The following PCDHB2 variants were observed in gnomAD, a reference collection of about 807,000 sequenced individuals.
The protein encoded by PCDHB2 is protocadherin beta 2, also known as protocadherin beta-2.
For synonymous variants in PCDHB2, 395 were observed against 464.9 expected (o/e 0.85, Z 1.93); for missense variants, 914 against 1,023.1 (o/e 0.89, Z 1.45).
chr5:141,094,685 G>T lies in PCDHB2; in HGVS notation c.-106G>T, dbSNP rs782469468. The T allele has an allele frequency of 2.5e-5, 22 of 890,234 alleles. No homozygotes were observed. Among genetic ancestry groups the T allele is most frequent in the Non-Finnish European group, 3.2e-5 (19 of 598,428 alleles). 55.1% of individuals were successfully genotyped at this position (890,234 alleles called of 1,614,324 possible). ...AAGGCGGTCGCTCCGGGAAATCCGG[G>T]CCCTAGGATTGTCCACTCATCCCAG... On this transcript the variant is annotated 5_prime_UTR_variant, in exon 1 of 1. Coordinates refer to ENST00000194155, the MANE Select transcript of PCDHB2 (RefSeq NM_018936.4).
Position 141,095,874 on chromosome 5 carries a change from TTGCAGGACACCCTCATTGCTG to T in PCDHB2, c.1086_1106del (p.Gln363_Val369del). The T allele has an allele frequency of 3.7e-6, 6 of 1,613,964 alleles. No homozygotes were observed. Among genetic ancestry groups the T allele is most frequent in the Non-Finnish European group, 5.1e-6 (6 of 1,179,938 alleles). ...ACTTATCAATCAGATCCCAGAAAAC[TTGCAGGACACCCTCATTGCTG>T]TATTCAGCGTTTCAGATCCTGACTC... On this transcript the variant is annotated inframe_deletion, in exon 1 of 1. Coordinates refer to ENST00000194155, the MANE Select transcript of PCDHB2 (RefSeq NM_018936.4).
chr5:141,096,354 G>C lies in PCDHB2; in HGVS notation c.1564G>C (p.Asp522His), dbSNP rs1554271483. 1 of 1,613,046 alleles carries C rather than the reference G, an allele frequency of 6.2e-7. No individual in the cohort carries two copies. Among genetic ancestry groups the C allele is most frequent in the Non-Finnish European group, 8.5e-7 (1 of 1,179,854 alleles). The change falls in exon 1 of 1, where the codon GAC becomes CAC. Residue 522 changes from aspartate to histidine, a missense_variant. By Grantham distance (81) the Asp-to-His change is moderately conservative. Coordinates refer to ENST00000194155, the MANE Select transcript of PCDHB2 (RefSeq NM_018936.4). The part of the protein sequence containing the change: ...NGHLFALQSL[D>H]YEALQAFEFR... ...CCACCTGTTCGCTCTCCAGTCGCTG[G>C]ACTACGAGGCCCTGCAGGCGTTCGA...
In PCDHB2 at chr5:141,097,148, G is replaced by A; in HGVS notation, c.2358G>A (p.Glu786=). The A allele has an allele frequency of 6.2e-7, 1 of 1,605,500 alleles. No homozygotes were observed. The highest frequency in any genetic ancestry group is 1.1e-5 in the South Asian group (1 of 89,592). Residue 786 remains glutamate, a synonymous_variant, in exon 1 of 1, where the codon GAG becomes GAA. Coordinates refer to ENST00000194155, the MANE Select transcript of PCDHB2 (RefSeq NM_018936.4). The part of the protein sequence containing the change: ...FVAQGAERVS[E]ANPSFRKSFE... ...CTCAGGGTGCAGAGAGGGTTAGCGA[G>A]GCAAATCCCAGTTTCAGGAAGAGCT...
In PCDHB2 at chr5:141,096,554, G is replaced by T. The variant is rs1554271555; in HGVS notation, c.1764G>T (p.Val588=). ...GGGCGGCCGAGCCGGGCTACCTGGT[G>T]ACCAAGGTGGTGGCGGTGGACGGCG... ...VPRAAEPGYL[V]TKVVAVDGDS... is the part of the protein sequence containing the mutation. Residue 588 remains valine, a synonymous_variant, in exon 1 of 1, where the codon GTG becomes GTT. Coordinates refer to ENST00000194155, the MANE Select transcript of PCDHB2 (RefSeq NM_018936.4). The T allele has an allele frequency of 6.2e-7, 1 of 1,606,934 alleles. No homozygotes were observed. Among genetic ancestry groups the T allele is most frequent in the South Asian group, 1.1e-5 (1 of 90,846 alleles).
At position 141,095,766 on chromosome 5, in the gene PCDHB2, G is replaced by C. The variant is rs1177707818; in HGVS notation, c.976G>C (p.Gly326Arg). The change falls in exon 1 of 1, where the codon GGT (glycine) becomes CGT (arginine). Residue 326 changes from glycine (G) to arginine (R), a missense_variant. Coordinates refer to ENST00000194155, the MANE Select transcript of PCDHB2 (RefSeq NM_018936.4). ...CACAGTAAATATTCAGGCGACAGAT[G>C]GTGGGGGCCTATCTGGAACTTGTGT... ...TYTVNIQATDGGGLSGTCVVF... is the reference protein window; with the variant it reads ...TYTVNIQATDRGGLSGTCVVF... The C allele has an allele frequency of 6.2e-7, 1 of 1,614,188 alleles. No homozygotes were observed. The highest frequency in any genetic ancestry group is 8.5e-7 in the Non-Finnish European group (1 of 1,180,038).
At position 141,096,946 on chromosome 5, in the gene PCDHB2, G is replaced by A; in HGVS notation, c.2156G>A (p.Ser719Asn). 1 of 1,612,514 alleles carries A rather than the reference G, an allele frequency of 6.2e-7. No individual in the cohort carries two copies. The highest frequency in any genetic ancestry group is 1.1e-5 in the South Asian group (1 of 91,006). Reference sequence around the variant, plus strand: ...GTGGCGGTGCGGCTGTGCAGGAGGAGCAGGGCGGCCTCGGTGGGTCGCTGC... The same window carrying A: ...GTGGCGGTGCGGCTGTGCAGGAGGAACAGGGCGGCCTCGGTGGGTCGCTGC... The part of the protein sequence containing the change: ...LFVAVRLCRR[S>N]RAASVGRCSV... The change falls in exon 1 of 1, where the codon AGC becomes AAC. Residue 719 changes from serine to asparagine, a missense_variant. By Grantham distance (46) the Ser-to-Asn change is conservative. Coordinates refer to ENST00000194155, the MANE Select transcript of PCDHB2 (RefSeq NM_018936.4).
chr5:141,095,650 C>T lies in PCDHB2; in HGVS notation c.860C>T (p.Ser287Phe), dbSNP rs782560976. The change falls in exon 1 of 1, where the codon TCT becomes TTT. Residue 287 changes from serine to phenylalanine, a missense_variant. Ser to Phe is a radical substitution (Grantham distance 155, BLOSUM62 -2). Coordinates refer to ENST00000194155, the MANE Select transcript of PCDHB2 (RefSeq NM_018936.4). ...ATATCTTATGCATTTTCCCAAGCAT[C>T]TGAAGACATTCGCAAAACGTTTCGA... is the stretch of plus-strand genomic sequence containing the variant. ...GEISYAFSQA[S>F]EDIRKTFRLS... 11 of 1,614,110 alleles carry T rather than the reference C, an allele frequency of 6.8e-6. No individual in the cohort carries two copies. The African/African-American group carries it at 1.5e-4, about 22-fold the overall frequency.
At position 141,095,118 on chromosome 5, in the gene PCDHB2, G is replaced by A; in HGVS notation, c.328G>A (p.Val110Met). The A allele has an allele frequency of 6.2e-7, 1 of 1,614,048 alleles. No individual in the cohort carries two copies. The highest frequency in any genetic ancestry group is 8.5e-7 in the Non-Finnish European group (1 of 1,179,954). ...PTEPCVLPFQ[V>M]LLENPLQFFQ... is the part of the protein sequence containing the mutation. ...AGAGCCCTGTGTCCTACCTTTCCAG[G>A]TGTTACTAGAAAATCCCTTGCAGTT... The change falls in exon 1 of 1, where the codon GTG (valine) becomes ATG (methionine). Residue 110 changes from valine (V) to methionine (M), a missense_variant. By Grantham distance (21) the Val-to-Met change is conservative. Transcript: ENST00000194155.
At position 141,095,350 on chromosome 5, in the gene PCDHB2, G is replaced by C; in HGVS notation, c.560G>C (p.Ser187Thr). ...CACTTTCATCTTAATTTACAAGACA[G>C]TCTCGATGGCATAATATTACCACAG... ...NFHFHLNLQD[S>T]LDGIILPQLV... Residue 187 changes from serine to threonine, a missense_variant, in exon 1 of 1, where the codon AGT becomes ACT. Transcript: ENST00000194155. The C allele has an allele frequency of 6.2e-7, 1 of 1,613,816 alleles. No individual in the cohort carries two copies. Among genetic ancestry groups the C allele is most frequent in the Non-Finnish European group, 8.5e-7 (1 of 1,179,830 alleles).
In PCDHB2 at chr5:141,096,327, G is replaced by A. The variant is rs1207554666; in HGVS notation, c.1537G>A (p.Gly513Ser). The A allele has an allele frequency of 1.9e-6, 3 of 1,613,244 alleles. No homozygotes were observed. Among genetic ancestry groups the A allele is most frequent in the Admixed American group, 3.3e-5 (2 of 60,004 alleles). The change falls in exon 1 of 1, where the codon GGC becomes AGC. Residue 513 changes from glycine (G) to serine (S), a missense_variant. Gly to Ser is a moderately conservative substitution (Grantham distance 56). Coordinates refer to ENST00000194155, the MANE Select transcript of PCDHB2 (RefSeq NM_018936.4). ...CCTGGTCTCCATCAACGCGGACAAC[G>A]GCCACCTGTTCGCTCTCCAGTCGCT... ...ASLVSINADNGHLFALQSLDY... is the reference protein window; with the variant it reads ...ASLVSINADNSHLFALQSLDY...
Position 141,095,002 on chromosome 5 carries a change from A to C in PCDHB2, c.212A>C (p.Lys71Thr). ...GTGAGGGGGGCCAGGGTCGTTTCCA[A>C]AGGAAAAAAAATGCATTTGCAGTTC... is the stretch of plus-strand genomic sequence containing the variant. ...LAVRGARVVS[K>T]GKKMHLQFDR... The change falls in exon 1 of 1, where the codon AAA becomes ACA. Residue 71 changes from lysine (K) to threonine (T), a missense_variant. Physicochemically the swap from Lys to Thr is moderately conservative, Grantham distance 78 (BLOSUM62 -1). Coordinates refer to ENST00000194155, the MANE Select transcript of PCDHB2 (RefSeq NM_018936.4). 6.2e-7 allele frequency: 1 copy of C among 1,612,848 alleles called. No homozygotes were observed. The highest frequency in any genetic ancestry group is 8.5e-7 in the Non-Finnish European group (1 of 1,179,550).
In PCDHB2 at chr5:141,096,405, G is replaced by C. The variant is rs781952415; in HGVS notation, c.1615G>C (p.Gly539Arg). Residue 539 changes from glycine to arginine, a missense_variant, in exon 1 of 1, where the codon GGC becomes CGC. Coordinates refer to ENST00000194155, the MANE Select transcript of PCDHB2 (RefSeq NM_018936.4). The part of the protein sequence containing the change: ...FEFRVGAADR[G>R]SPALSSEALV... ...GTTCCGCGTGGGCGCCGCAGACCGC[G>C]GCTCCCCGGCGTTGAGCAGCGAGGC... The C allele has an allele frequency of 6.2e-6, 10 of 1,612,050 alleles. No homozygotes were observed. In the African/African-American group the frequency reaches 1.2e-4, roughly 19 times the overall value.
At position 141,094,686 on chromosome 5, in the gene PCDHB2, C is replaced by A; in HGVS notation, c.-105C>A. 1 of 939,104 alleles carries A rather than the reference C, an allele frequency of 1.1e-6. No individual in the cohort carries two copies. The highest frequency in any genetic ancestry group is 1.6e-6 in the Non-Finnish European group (1 of 627,486). 58.2% of individuals were successfully genotyped at this position (939,104 alleles called of 1,614,324 possible). ...AGGCGGTCGCTCCGGGAAATCCGGG[C>A]CCTAGGATTGTCCACTCATCCCAGT... On this transcript the variant is annotated 5_prime_UTR_variant, in exon 1 of 1. Transcript: ENST00000194155.
At position 141,096,372 on chromosome 5, in the gene PCDHB2, G is replaced by T. The variant is rs1302656781; in HGVS notation, c.1582G>T (p.Ala528Ser). ...LQSLDYEALQ[A>S]FEFRVGAADR... ...GTCGCTGGACTACGAGGCCCTGCAG[G>T]CGTTCGAGTTCCGCGTGGGCGCCGC... Residue 528 changes from alanine to serine, a missense_variant, in exon 1 of 1, where the codon GCG becomes TCG. By Grantham distance (99) the Ala-to-Ser change is moderately conservative. Coordinates refer to ENST00000194155, the MANE Select transcript of PCDHB2 (RefSeq NM_018936.4). The T allele has an allele frequency of 2.5e-6, 4 of 1,612,824 alleles. No individual in the cohort carries two copies. Among genetic ancestry groups the T allele is most frequent in the Non-Finnish European group, 3.4e-6 (4 of 1,179,824 alleles).
chr5:141,094,943 A>C lies in PCDHB2; in HGVS notation c.153A>C (p.Leu51Phe). Reference protein sequence around the residue: ...TESGSFVANLLKDLGLEIGEL... With the variant: ...TESGSFVANLFKDLGLEIGEL... ...GTGGCTCCTTTGTGGCCAATTTGTTAAAAGACCTGGGGCTGGAGATAGGAG... is the reference window on the plus strand; with the variant it reads ...GTGGCTCCTTTGTGGCCAATTTGTTCAAAGACCTGGGGCTGGAGATAGGAG... The change falls in exon 1 of 1, where the codon TTA (leucine) becomes TTC (phenylalanine). Residue 51 changes from leucine (L) to phenylalanine (F), a missense_variant. Transcript: ENST00000194155. 6.2e-7 allele frequency: 1 copy of C among 1,614,152 alleles called. No individual in the cohort carries two copies. Among genetic ancestry groups the C allele is most frequent in the East Asian group, 2.2e-5 (1 of 44,872 alleles).
rs782775453 is a variant in PCDHB2 at position 141,096,693 on chromosome 5, C to G, written c.1903C>G (p.Arg635Gly). ...GCGCACCGCCAGGCTGCTGAGGGAG[C>G]GCGACGCTGCCAAGCAGAGGCTGGT... is the stretch of plus-strand genomic sequence containing the variant. ...EVRTARLLRE[R>G]DAAKQRLVVL... Residue 635 changes from arginine to glycine, a missense_variant, in exon 1 of 1, where the codon CGC (arginine) becomes GGC (glycine). Arg to Gly is a moderately radical substitution (Grantham distance 125). Transcript: ENST00000194155. 3 of 1,610,520 alleles carry G rather than the reference C, an allele frequency of 1.9e-6. No individual in the cohort carries two copies. Among genetic ancestry groups the G allele is most frequent in the South Asian group, 1.1e-5 (1 of 90,976 alleles).
rs371660491 is a variant in PCDHB2, at chr5:141,096,773, C to T, written c.1983C>T (p.His661=). The change falls in exon 1 of 1, where the codon CAC becomes CAT. Residue 661 remains histidine (H), a synonymous_variant. Transcript: ENST00000194155. ...EPPRSATATL[H]VLLVDGFSQP... ...CGCGCTCGGCCACCGCCACGCTGCA[C>T]GTGCTCCTGGTGGACGGCTTCTCCC... 147 of 1,609,778 alleles carry T rather than the reference C, an allele frequency of 9.1e-5. 1 individual carries two copies. The highest frequency in any genetic ancestry group is 3.6e-4 in the African/African-American group (27 of 74,986).
Position 141,095,739 on chromosome 5 carries a change from T to C in PCDHB2, c.949T>C (p.Tyr317His). 6.2e-7 allele frequency: 1 copy of C among 1,614,188 alleles called. No individual in the cohort carries two copies. Among genetic ancestry groups the C allele is most frequent in the African/African-American group, 1.3e-5 (1 of 75,052 alleles). Residue 317 changes from tyrosine (Y) to histidine (H), a missense_variant, in exon 1 of 1, where the codon TAC (tyrosine) becomes CAC (histidine). Physicochemically the swap from Tyr to His is moderately conservative, Grantham distance 83 (BLOSUM62 2). Coordinates refer to ENST00000194155, the MANE Select transcript of PCDHB2 (RefSeq NM_018936.4). ...ACTGGATTTCGAATCCATCCAGACA[T>C]ACACAGTAAATATTCAGGCGACAGA... ...QKLDFESIQT[Y>H]TVNIQATDGG...
chr5:141,096,653 G>A lies in PCDHB2; in HGVS notation c.1863G>A (p.Ala621=), dbSNP rs1554271581. ...ATEPGLFGVW[A]HNGEVRTARL... Reference sequence around the variant, plus strand: ...AGCCCGGGCTGTTCGGCGTGTGGGCGCACAATGGCGAGGTGCGCACCGCCA... The same window carrying A: ...AGCCCGGGCTGTTCGGCGTGTGGGCACACAATGGCGAGGTGCGCACCGCCA... Residue 621 remains alanine, a synonymous_variant, in exon 1 of 1, where the codon GCG becomes GCA. Transcript: ENST00000194155. 3.1e-6 allele frequency: 5 copies of A among 1,609,318 alleles called. No homozygotes were observed. Among genetic ancestry groups the A allele is most frequent in the Middle Eastern group, 2.3e-4 (1 of 4,434 alleles).
Sources: gnomAD v4.1 joint callset for allele counts on GRCh38, gnomAD v4.1.1 for gene constraint, MANE v1.5 for transcripts, NCBI Gene and HGNC (gene_info 2026-07-23, HGNC 2026-07-21) for gene names.